DLG2: variants seen among roughly 807,000 people sequenced by gnomAD.
The protein encoded by DLG2 is disks large homolog 2.
Under a neutral mutation model 132.5 loss-of-function variants are expected in DLG2, and 45 were observed. The ratio of observed to expected loss-of-function variants is 0.34; its 90% CI spans 0.27 to 0.44. The LOEUF is 0.44. Ranked by LOEUF, DLG2 falls within the 20% of genes least tolerant of loss-of-function variation. DLG2 has a pLI of 1.00. For synonymous variants in DLG2, 424 were observed against 419.6 expected (o/e 1.01, Z -0.13); for missense variants, 1,045 against 1,196.9 (o/e 0.87, Z 1.87).
chr11:85,421,875 G>A (rs1213648465), intron 3 of DLG2, among the ~76,000 whole-genome samples: 1 of 152,104 alleles, frequency 6.6e-6, no homozygotes, highest in Non-Finnish European at 1.5e-5. Context: ...TTGCAGTGGT[G>A]GGTCGGTAGT....
intron 5 of DLG2, among the ~76,000 whole-genome samples, chr11:85,125,846 A>C (rs2075041851): frequency 6.7e-6 from 1 of 149,228 alleles, no homozygotes; most frequent in South Asian, 2.1e-4. Flanking sequence ...CACACACACA[A>C]GAAAAAGGAA....
intron 7 of DLG2, among the ~76,000 whole-genome samples, chr11:84,481,333 A>T (rs1193123549): frequency 6.6e-6 from 1 of 152,064 alleles, no homozygotes; most frequent in East Asian, 1.9e-4. Flanking sequence ...ACTCTGCATC[A>T]TTAGATCTCT....
rs371790915 is a variant in DLG2, at chr11:84,574,276, T to A, written c.358-39545A>T. ...TACTCTTACTGTTACAGAGTTTATATCTTGAAAATAAGATATTACAGGATG... is the reference window on the plus strand; with the variant it reads ...TACTCTTACTGTTACAGAGTTTATAACTTGAAAATAAGATATTACAGGATG... On this transcript the variant is annotated intron_variant, in intron 6 of 27. Transcript: ENST00000376104. Among the ~76,000 whole-genome samples the A allele has an allele frequency of 2.0e-4, 31 of 152,238 alleles. No individual in the cohort carries two copies. In the South Asian group the frequency reaches 3.5e-3, roughly 17 times the overall value.
chr11:84,842,501 T>C (rs533125433), intron 6 of DLG2, among the ~76,000 whole-genome samples: 2 of 152,096 alleles, frequency 1.3e-5, no homozygotes, highest in Admixed American at 1.3e-4. Context: ...AGTTCCTAAC[T>C]ACCACAAGCA....
intron 3 of DLG2, among the ~76,000 whole-genome samples, chr11:85,583,128 GTGTATATATATATATATATA>G (rs1212661654): frequency 3.6e-5 from 1 of 27,420 alleles, no homozygotes; most frequent in African/African-American, 1.1e-4. Context: ...GTGTGTGTGT[GTGTATATATATATATATATA>G]TATATATATA....
chr11:83,604,991 G>C (rs1427849968), intron 19 of DLG2, among the ~76,000 whole-genome samples: 2 of 146,792 alleles, frequency 1.4e-5, no homozygotes, highest in African/African-American at 5.4e-5. Flanking sequence ...CTTTGAAATG[G>C]ACCAGTTTTC....
chr11:84,058,269 C>A (rs80222106), intron 11 of DLG2, among the ~76,000 whole-genome samples: 9 of 151,822 alleles, frequency 5.9e-5, no homozygotes, highest in Non-Finnish European at 1.2e-4. Context: ...TAATGTTAAG[C>A]TAATTATTAG....
intron 6 of DLG2, among the ~76,000 whole-genome samples, chr11:84,962,003 T>C (rs1170475423): frequency 6.6e-6 from 1 of 152,184 alleles, no homozygotes; most frequent in East Asian, 1.9e-4. Flanking sequence ...CTATAAGCTT[T>C]AGATGGAGGA....
At chr11:84,286,147 C>A (rs2097907918) in intron 7 of DLG2, among the ~76,000 whole-genome samples, 1 of 152,180 alleles carries the variant, frequency 6.6e-6, no homozygotes, top group Admixed American at 6.5e-5. Context: ...CAGATTACTT[C>A]ATCTCCTTTC....
intron 7 of DLG2, chr11:84,316,782 T>C: frequency 5.2e-6 from 8 of 1,542,066 alleles, no homozygotes; most frequent in Non-Finnish European, 7.0e-6. Flanking sequence ...TTGCTCTCAC[T>C]TTCTTCAGAC....
intron 8 of DLG2, among the ~76,000 whole-genome samples, chr11:84,168,852 A>ACAC (rs1566792684): frequency 9.7e-5 from 7 of 72,478 alleles, no homozygotes; most frequent in Non-Finnish European, 2.1e-4. Context: ...CACACACACA[A>ACAC]ACACACACAC....
At chr11:84,770,610 C>T (rs2069165797) in intron 6 of DLG2, among the ~76,000 whole-genome samples, 1 of 151,598 alleles carries the variant, frequency 6.6e-6, no homozygotes, top group South Asian at 2.1e-4. Context: ...CCTCCAACTG[C>T]ATCCACGTTG....
intron 21 of DLG2, among the ~76,000 whole-genome samples, chr11:83,500,773 A>G (rs12223102): frequency 0.35 from 53,867 of 151,912 alleles, 9,629 homozygotes; most frequent in Middle Eastern, 0.46. Context: ...TAGCAATTTT[A>G]TCTTCATTTA....
chr11:84,993,593 C>G (rs896045253), intron 6 of DLG2, among the ~76,000 whole-genome samples: 1 of 152,158 alleles, frequency 6.6e-6, no homozygotes, highest in African/African-American at 2.4e-5. Flanking sequence ...TACTTTACTG[C>G]CTCGCCACTG....
intron 6 of DLG2, among the ~76,000 whole-genome samples, chr11:84,628,012 C>G (rs1431209764): frequency 6.6e-6 from 1 of 151,946 alleles, no homozygotes; most frequent in Non-Finnish European, 1.5e-5. Flanking sequence ...GATCCAAACT[C>G]TATCAGTGAC....
At chr11:84,889,865 G>C (rs1190227907) in intron 6 of DLG2, among the ~76,000 whole-genome samples, 1 of 152,154 alleles carries the variant, frequency 6.6e-6, no homozygotes, top group Admixed American at 6.6e-5. Context: ...AAAGTCTCGA[G>C]TTTGCCAAGA....
chr11:83,748,449 C>T (rs113328996), intron 18 of DLG2, among the ~76,000 whole-genome samples: 2 of 152,180 alleles, frequency 1.3e-5, no homozygotes, highest in Non-Finnish European at 2.9e-5. Context: ...CTCTAATAAG[C>T]CTGCTTTTTC....
At chr11:84,335,949 A>G (rs984364731) in intron 7 of DLG2, among the ~76,000 whole-genome samples, 1 of 152,302 alleles carries the variant, frequency 6.6e-6, no homozygotes, top group Non-Finnish European at 1.5e-5. Context: ...AATCACCTCA[A>G]CCCCTGAAAA....
chr11:84,823,798 G>T (rs1026887687), intron 6 of DLG2, among the ~76,000 whole-genome samples: 1 of 151,692 alleles, frequency 6.6e-6, no homozygotes, highest in Non-Finnish European at 1.5e-5. Context: ...ATAGTGTCTA[G>T]CTCATAGTAG....
Sources: allele counts gnomAD v4.1 joint callset (sites outside exome capture counted in the v4.1 genomes callset), GRCh38; gene constraint gnomAD v4.1.1; transcripts MANE v1.5; gene names NCBI Gene and HGNC (gene_info 2026-07-23, HGNC 2026-07-21).